Variants in KMT2C observed in about 807,000 individuals in gnomAD.
KMT2C encodes histone-lysine N-methyltransferase 2C.
KMT2C carries 88 observed loss-of-function variants against 507.9 expected under a neutral mutation model. That is an observed-to-expected ratio of 0.17 (90% CI 0.15 to 0.21). The LOEUF (loss-of-function observed/expected upper bound fraction) is 0.21, where lower values mean the gene tolerates loss of function less well. KMT2C is among the 10% of genes least tolerant of loss of function. KMT2C has a pLI of 1.00. For synonymous variants in KMT2C, 2,049 were observed against 2,080.8 expected (o/e 0.98, Z 0.42); for missense variants, 4,954 against 5,957.8 (o/e 0.83, Z 5.55).
intron 3 of KMT2C, among the ~76,000 whole-genome samples, chr7:152,326,682 C>T (rs1236502059): frequency 2.6e-5 from 4 of 152,060 alleles, no homozygotes; most frequent in Non-Finnish European, 5.9e-5. Flanking sequence ...AGATCGAGAC[C>T]ATCCTGGCTA....
chr7:152,434,991 C>G (rs1334598629), intron 1 of KMT2C, among the ~76,000 whole-genome samples: 2 of 152,098 alleles, frequency 1.3e-5, no homozygotes, highest in Non-Finnish European at 2.9e-5. Flanking sequence ...GCTTTCGGAG[C>G]CCGGGAGTGC....
intron 2 of KMT2C, among the ~76,000 whole-genome samples, chr7:152,338,505 AG>A (rs2096959331): frequency 6.6e-6 from 1 of 152,246 alleles, no homozygotes; most frequent in Non-Finnish European, 1.5e-5. Flanking sequence ...CAGCTCAGAA[AG>A]GCTTCAGAAA....
chr7:152,147,904 G>A, intron 52 of KMT2C, 129 bp downstream of exon 52: 3 of 1,016,558 alleles, frequency 3.0e-6, no homozygotes, highest in South Asian at 2.0e-5. Flanking sequence ...ATTGGCATTT[G>A]TAAATGAAAA....
chr7:152,297,551 G>T (rs1217707480), intron 6 of KMT2C, among the ~76,000 whole-genome samples: 3 of 152,102 alleles, frequency 2.0e-5, no homozygotes, highest in African/African-American at 7.2e-5. Flanking sequence ...AGCCAAACTG[G>T]GAAAACTATT....
Position 152,336,039 on chromosome 7 carries a change from C to T in KMT2C, c.251-5300G>A, listed in dbSNP as rs188553819. On this transcript the variant is annotated intron_variant, in intron 2 of 58. Coordinates refer to ENST00000262189, the MANE Select transcript of KMT2C (RefSeq NM_170606.3). ...CTCCTCTAGCTATTATTATTACTGG[C>T]TCTGCCCATGATTCTAACTTGGATC... Among the ~76,000 whole-genome samples, 193 of 152,110 alleles carry T rather than the reference C, an allele frequency of 1.3e-3. 1 individual carries two copies. The highest frequency in any genetic ancestry group is 0.01 in the Middle Eastern group (3 of 294).
chr7:152,296,680 A>G (rs1481552175), intron 6 of KMT2C, among the ~76,000 whole-genome samples: 1 of 152,064 alleles, frequency 6.6e-6, no homozygotes, highest in Non-Finnish European at 1.5e-5. Context: ...AGACCCTGAC[A>G]ACTTGTTATC....
chr7:152,156,159 G>C (rs1262673909), intron 45 of KMT2C, 46 bp downstream of exon 45: 1 of 1,605,472 alleles, frequency 6.2e-7, no homozygotes, highest in Non-Finnish European at 8.5e-7. Flanking sequence ...ACAACTGGCA[G>C]AGGCACATTT....
At chr7:152,343,257 C>T (rs1489764282) in intron 2 of KMT2C, among the ~76,000 whole-genome samples, 1 of 151,862 alleles carries the variant, frequency 6.6e-6, no homozygotes, top group South Asian at 2.1e-4. Flanking sequence ...TGCAAGAAGA[C>T]GTGGGCAATG....
At position 152,167,189 on chromosome 7, in the gene KMT2C, T is replaced by C. The variant is rs773958097; in HGVS notation, c.9707A>G (p.His3236Arg). The part of the protein sequence containing the change: ...FPEEDAEQLK[H>R]VTEQQSMVQK... ...AACCATGCTTTGCTGTTCAGTAACA[T>C]GCTTGAGTTGTTCTGCATCTTCCTC... is the stretch of plus-strand genomic sequence containing the variant. The change falls in exon 42 of 59, where the codon CAT (histidine) becomes CGT (arginine). Residue 3236 changes from histidine to arginine, a missense_variant. This residue lies in a region of KMT2C where 71 missense variants were observed against 139.2 expected (regional missense o/e 0.51). Coordinates refer to ENST00000262189, the MANE Select transcript of KMT2C (RefSeq NM_170606.3). 1.2e-6 allele frequency: 2 copies of C among 1,614,206 alleles called. No homozygotes were observed. Among genetic ancestry groups the C allele is most frequent in the Admixed American group, 1.7e-5 (1 of 60,032 alleles).
intron 35 of KMT2C, 62 bp from the exon 36 acceptor site, chr7:152,182,656 G>T: frequency 7.2e-7 from 1 of 1,397,466 alleles, no homozygotes; most frequent in Non-Finnish European, 9.6e-7. Context: ...TACCATCATG[G>T]GGGGAAAAAG....
intron 1 of KMT2C, among the ~76,000 whole-genome samples, chr7:152,427,008 T>C (rs376972380): frequency 6.6e-6 from 1 of 151,394 alleles, no homozygotes; most frequent in African/African-American, 2.4e-5. Context: ...CCAGAGTTTT[T>C]TTTTGTTTTG....
chr7:152,315,458 AATCT>A, intron 3 of KMT2C, 120 bp from the exon 4 acceptor site: 1 of 681,556 alleles, frequency 1.5e-6, no homozygotes, highest in Non-Finnish European at 2.5e-6. Context: ...TAAGCTTTTC[AATCT>A]ATTTTCTACA....
intron 1 of KMT2C, among the ~76,000 whole-genome samples, chr7:152,419,074 G>A (rs947065518): frequency 6.6e-6 from 1 of 152,096 alleles, no homozygotes; most frequent in Non-Finnish European, 1.5e-5. Context: ...AAAATAGACT[G>A]GGCATGGTGG....
intron 51 of KMT2C, among the ~76,000 whole-genome samples, chr7:152,149,666 C>T (rs2091445098): frequency 6.6e-6 from 1 of 152,096 alleles, no homozygotes; most frequent in South Asian, 2.1e-4. Flanking sequence ...GGGAAGGAGC[C>T]CCTGTCAACA....
At chr7:152,430,432 A>G (rs1287811543) in intron 1 of KMT2C, among the ~76,000 whole-genome samples, 1 of 152,218 alleles carries the variant, frequency 6.6e-6, no homozygotes, top group Non-Finnish European at 1.5e-5. Flanking sequence ...CATGGCAGCT[A>G]AAAGTTGTTT....
chr7:152,228,484 T>C (rs1008034748), intron 18 of KMT2C, among the ~76,000 whole-genome samples: 3 of 152,246 alleles, frequency 2.0e-5, no homozygotes, highest in Non-Finnish European at 4.4e-5. Context: ...TATTCTATAC[T>C]GTCCAAAACA....
chr7:152,300,664 C>T (rs541401214), intron 6 of KMT2C, among the ~76,000 whole-genome samples: 29 of 152,290 alleles, frequency 1.9e-4, no homozygotes, highest in African/African-American at 6.7e-4. Flanking sequence ...TAAGCTGATC[C>T]CATGAGTCCT....
At chr7:152,374,884 C>CAAA (rs71198779) in intron 1 of KMT2C, among the ~76,000 whole-genome samples, 1,455 of 77,622 alleles carry the variant, frequency 0.019, 28 homozygotes, top group African/African-American at 0.052. Context: ...CTCTGTCTCT[C>CAAA]AAAAAAAAAA....
At position 152,358,635 on chromosome 7, in the gene KMT2C, T is replaced by C. The variant is rs1270812712; in HGVS notation, c.202A>G (p.Ser68Gly). 1 of 1,612,162 alleles carries C rather than the reference T, an allele frequency of 6.2e-7. No individual in the cohort carries two copies. Among genetic ancestry groups the C allele is most frequent in the East Asian group, 2.2e-5 (1 of 44,850 alleles). ...RGKTAVEDED[S>G]MDGLETTETE... ...TCTGTTGTCTCCAGCCCATCCATGC[T>C]GTCCTCATCTTCCACTGCAGTTTTC... Residue 68 changes from serine (S) to glycine (G), a missense_variant, in exon 2 of 59, where the codon AGC becomes GGC. Ser to Gly is a moderately conservative substitution (Grantham distance 56, BLOSUM62 0). Around this residue, in one of 29 missense-constraint regions of KMT2C, gnomAD observed 233 missense variants for 263.6 expected, o/e 0.88. Transcript: ENST00000262189.
Sources: gnomAD v4.1 joint callset for allele counts (sites outside exome capture counted in the v4.1 genomes callset) on GRCh38, gnomAD v4.1.1 for gene constraint, gnomAD v4.1.1 regional missense constraint, MANE v1.5 for transcripts, NCBI Gene and HGNC (gene_info 2026-07-23, HGNC 2026-07-21) for gene names.